DPP10: variants seen among roughly 807,000 people sequenced by gnomAD.
The protein encoded by DPP10 is dipeptidyl peptidase like 10.
In DPP10, 33 loss-of-function variants were observed where a neutral mutation model predicts 120.9. The ratio of observed to expected loss-of-function variants is 0.27; its 90% CI spans 0.21 to 0.37. The LOEUF is 0.37. Among genes scored for constraint, DPP10 ranks in the 10% least tolerant of loss-of-function variants. The pLI, the probability that DPP10 is intolerant of heterozygous loss-of-function variation, is 1.00. For synonymous variants in DPP10, 337 were observed against 326.1 expected (o/e 1.03, Z -0.36); for missense variants, 816 against 942.8 (o/e 0.87, Z 1.76).
At chr2:115,500,369 C>A (rs1403577002) in intron 4 of DPP10, among the ~76,000 whole-genome samples, 1 of 151,716 alleles carries the variant, frequency 6.6e-6, no homozygotes, top group Non-Finnish European at 1.5e-5. Flanking sequence ...ACAATACAGA[C>A]AAAATATAGT....
At chr2:114,454,526 C>T (rs756884681) in intron 1 of DPP10, among the ~76,000 whole-genome samples, 6 of 152,246 alleles carry the variant, frequency 3.9e-5, no homozygotes, top group South Asian at 2.1e-4. Context: ...CTCAGGTTTC[C>T]GCCAGCTCTA....
At position 115,763,074 on chromosome 2, in the gene DPP10, C is replaced by T. The variant is rs1039742787; in HGVS notation, c.1113+464C>T. On this transcript the variant is annotated intron_variant, in intron 12 of 25. Coordinates refer to ENST00000410059, the MANE Select transcript of DPP10 (RefSeq NM_020868.6). ...GAGGCTGGAATCAAGATGAACATGA[C>T]GGACTAAAAACCTAATCACTGTTAC... 6.6e-5 allele frequency among the ~76,000 whole-genome samples: 10 copies of T among 152,212 alleles called. No homozygotes were observed. The East Asian group carries it at 7.7e-4, about 12-fold the overall frequency.
intron 1 of DPP10, among the ~76,000 whole-genome samples, chr2:114,621,573 A>G (rs1473363871): frequency 6.6e-6 from 1 of 152,024 alleles, no homozygotes; most frequent in Non-Finnish European, 1.5e-5. Flanking sequence ...ATTAAATTAT[A>G]ATACTTCATT....
intron 1 of DPP10, among the ~76,000 whole-genome samples, chr2:114,505,911 C>T (rs1169287421): frequency 6.6e-6 from 1 of 152,194 alleles, no homozygotes; most frequent in Non-Finnish European, 1.5e-5. Context: ...AATTACATAG[C>T]AAGATATCTT....
chr2:115,795,582 C>G (rs988011691), intron 19 of DPP10, among the ~76,000 whole-genome samples: 2 of 152,110 alleles, frequency 1.3e-5, no homozygotes, highest in Admixed American at 1.3e-4. Flanking sequence ...AGTCTCATCA[C>G]TGAATGTTCT....
chr2:115,617,572 T>A (rs1342807359), intron 5 of DPP10, among the ~76,000 whole-genome samples: 1 of 151,886 alleles, frequency 6.6e-6, no homozygotes, highest in East Asian at 1.9e-4. Flanking sequence ...TAGATATGTT[T>A]AGATACACAA....
chr2:115,767,540 AGTGTGTGT>A (rs1680930648), intron 12 of DPP10, among the ~76,000 whole-genome samples: 8 of 151,488 alleles, frequency 5.3e-5, no homozygotes, highest in African/African-American at 1.9e-4. Context: ...AAATATATAT[AGTGTGTGT>A]ATATATACAC....
chr2:115,741,630 C>G (rs1398504081), intron 9 of DPP10, among the ~76,000 whole-genome samples: 1 of 152,118 alleles, frequency 6.6e-6, no homozygotes, highest in African/African-American at 2.4e-5. Flanking sequence ...GTTCAGTGCA[C>G]TGCACAAAGG....
chr2:115,428,608 C>A (rs1574816886), intron 3 of DPP10, among the ~76,000 whole-genome samples: 1 of 152,174 alleles, frequency 6.6e-6, no homozygotes, highest in East Asian at 1.9e-4. Context: ...ACGACAGCAC[C>A]AAGCCATGAG....
chr2:114,867,058 A>T (rs993043651), intron 1 of DPP10, among the ~76,000 whole-genome samples: 1 of 152,242 alleles, frequency 6.6e-6, no homozygotes, highest in Admixed American at 6.5e-5. Flanking sequence ...AACAAGGTGC[A>T]GAACATGAAA....
At chr2:114,646,522 A>G (rs1696151999) in intron 1 of DPP10, among the ~76,000 whole-genome samples, 2 of 152,156 alleles carry the variant, frequency 1.3e-5, no homozygotes, top group Non-Finnish European at 1.5e-5. Flanking sequence ...CCTGCAATTC[A>G]GAGGAACTCC....
intron 3 of DPP10, among the ~76,000 whole-genome samples, chr2:115,430,533 T>G (rs529392603): frequency 1.3e-5 from 2 of 152,244 alleles, no homozygotes; most frequent in Admixed American, 1.3e-4. Context: ...AGTATTCAAG[T>G]ATTTGTGGAA....
intron 2 of DPP10, among the ~76,000 whole-genome samples, chr2:115,331,546 A>G (rs2062735805): frequency 6.6e-6 from 1 of 152,110 alleles, no homozygotes; most frequent in African/African-American, 2.4e-5. Context: ...TCAGTATGAT[A>G]TTGGCTGTGG....
intron 3 of DPP10, among the ~76,000 whole-genome samples, chr2:115,434,951 A>G (rs2104809294): frequency 6.6e-6 from 1 of 151,648 alleles, no homozygotes; most frequent in African/African-American, 2.4e-5. Flanking sequence ...AGATTAGTTA[A>G]TTTCACTTAA....
chr2:115,362,344 A>G (rs141894030), intron 3 of DPP10, among the ~76,000 whole-genome samples: 1 of 152,308 alleles, frequency 6.6e-6, no homozygotes, highest in African/African-American at 2.4e-5. Flanking sequence ...TAATGTTTAT[A>G]GTTTTCTAAC....
At chr2:115,365,173 CCA>C (rs1318581645) in intron 3 of DPP10, among the ~76,000 whole-genome samples, 1 of 151,930 alleles carries the variant, frequency 6.6e-6, no homozygotes, top group Non-Finnish European at 1.5e-5. Flanking sequence ...TTGAAGCAAA[CCA>C]AATTCCTGGA....
chr2:115,365,110 G>A (rs2065004740), intron 3 of DPP10, among the ~76,000 whole-genome samples: 1 of 152,052 alleles, frequency 6.6e-6, no homozygotes, highest in African/African-American at 2.4e-5. Context: ...GTTCTTAGAA[G>A]TAAAAATATT....
At chr2:115,367,827 A>G (rs1574579159) in intron 3 of DPP10, among the ~76,000 whole-genome samples, 1 of 151,392 alleles carries the variant, frequency 6.6e-6, no homozygotes, top group East Asian at 2.0e-4. Context: ...TAGTTTTAGT[A>G]TTTGTGCAAA....
chr2:114,477,794 T>C (rs955125692), intron 1 of DPP10, among the ~76,000 whole-genome samples: 34 of 151,156 alleles, frequency 2.2e-4, no homozygotes, highest in African/African-American at 8.3e-4. Flanking sequence ...TATATATGTA[T>C]ATGCACATAT....
Sources: gnomAD v4.1 joint callset for allele counts (sites outside exome capture counted in the v4.1 genomes callset) on GRCh38, gnomAD v4.1.1 for gene constraint, MANE v1.5 for transcripts, NCBI Gene and HGNC (gene_info 2026-07-23, HGNC 2026-07-21) for gene names.